CHAT: variants seen among roughly 807,000 people sequenced by gnomAD.
The protein encoded by CHAT is choline O-acetyltransferase.
CHAT carries 61 observed loss-of-function variants against 76.9 expected under a neutral mutation model. The observed-to-expected ratio is 0.79, with a 90% CI of 0.65 to 0.98. The LOEUF is 0.98. CHAT is among the 50% of genes least tolerant of loss of function. The pLI is 0.00. For synonymous variants in CHAT, 407 were observed against 397.4 expected, an observed-to-expected ratio of 1.02 and a Z score of -0.29; for missense variants, 946 against 986.9, an observed-to-expected ratio of 0.96 and a Z score of 0.56.
intron 7 of CHAT, among the ~76,000 whole-genome samples, chr10:49,638,681 T>C (rs1249944020): frequency 6.6e-6 from 1 of 152,222 alleles, no homozygotes; most frequent in Non-Finnish European, 1.5e-5. Flanking sequence ...TGTTACCAGT[T>C]CTAGTGAAGT....
At position 49,619,934 on chromosome 10, in the gene CHAT, G is replaced by C. The variant is rs545111763; in HGVS notation, c.579+18G>C. On this transcript the variant is annotated intron_variant, in intron 3 of 14. Coordinates refer to ENST00000337653, the MANE Select transcript of CHAT (RefSeq NM_020549.5). ...CCAACTGGGTAAGAGGGGCAGACAAGGAACCCATAGAAGAGGGGCGGGAGG... is the reference window on the plus strand; with the variant it reads ...CCAACTGGGTAAGAGGGGCAGACAACGAACCCATAGAAGAGGGGCGGGAGG... 1 of 1,605,516 alleles carries C rather than the reference G, an allele frequency of 6.2e-7. No individual in the cohort carries two copies. Among genetic ancestry groups the C allele is most frequent in the African/African-American group, 1.3e-5 (1 of 74,882 alleles).
intron 10 of CHAT, among the ~76,000 whole-genome samples, chr10:49,650,079 A>T (rs774084605): frequency 6.6e-6 from 1 of 152,096 alleles, no homozygotes; most frequent in African/African-American, 2.4e-5. Flanking sequence ...CCCTAACGGG[A>T]CCCAGGCAGG....
At chr10:49,637,381 C>G (rs1337139133) in intron 7 of CHAT, 6 of 152,138 alleles carry the variant, frequency 3.9e-5, no homozygotes, top group Admixed American at 2.0e-4. Flanking sequence ...TATGGTTTGT[C>G]TCTAAGTCTC....
chr10:49,655,588 C>A, intron 13 of CHAT, 140 bp downstream of exon 13: 1 of 748,454 alleles, frequency 1.3e-6, no homozygotes, highest in Non-Finnish European at 2.4e-6. Context: ...CTTCACCACT[C>A]GGTCTCTTGT....
At chr10:49,614,498 G>GCTGC in intron 1 of CHAT, 23 bp downstream of exon 1, 1 of 1,538,716 alleles carries the variant, frequency 6.5e-7, no homozygotes, top group Non-Finnish European at 8.7e-7. Flanking sequence ...GCTGGGCTGG[G>GCTGC]CTGGCGGAGC....
chr10:49,650,290 C>A (rs934578027), intron 10 of CHAT, among the ~76,000 whole-genome samples: 1 of 152,144 alleles, frequency 6.6e-6, no homozygotes, highest in Non-Finnish European at 1.5e-5. Context: ...AAGTTAAGTA[C>A]CATGGGACCT....
At chr10:49,609,521 G>C (rs1003598452), upstream of CHAT, among the ~76,000 whole-genome samples, 3 of 152,112 alleles carry the variant, frequency 2.0e-5, no homozygotes, top group African/African-American at 7.2e-5. Flanking sequence ...AGGAGAAAGG[G>C]GGATTCCAGG....
rs78296894 is a variant in CHAT, at chr10:49,656,441, T to C, written c.1839+993T>C. ...CCCTTCAACGTGAACACCAATCCCATGTGAAAAGAGCCCTCAGAAAGTAGC... is the reference window on the plus strand; with the variant it reads ...CCCTTCAACGTGAACACCAATCCCACGTGAAAAGAGCCCTCAGAAAGTAGC... On this transcript the variant is annotated intron_variant, in intron 13 of 14. Transcript: ENST00000337653. Among the ~76,000 whole-genome samples, 1,293 of 152,120 alleles carry C rather than the reference T, an allele frequency of 8.5e-3. 15 individuals are homozygous for C. The highest frequency in any genetic ancestry group is 0.029 in the African/African-American group (1,200 of 41,472).
chr10:49,639,336 T>C (rs940168399), intron 7 of CHAT, among the ~76,000 whole-genome samples: 1 of 152,178 alleles, frequency 6.6e-6, no homozygotes, highest in African/African-American at 2.4e-5. Context: ...TTTCCTCATA[T>C]GAAAATGTTT....
intron 1 of CHAT, among the ~76,000 whole-genome samples, 197 bp downstream of exon 1, chr10:49,614,672 G>C (rs1012670956): frequency 6.6e-6 from 1 of 152,216 alleles, no homozygotes; most frequent in Non-Finnish European, 1.5e-5. Flanking sequence ...CTGGGCTTGG[G>C]GAGGCTTAAC....
chr10:49,643,282 C>T (rs1839547042), intron 7 of CHAT, among the ~76,000 whole-genome samples: 2 of 152,226 alleles, frequency 1.3e-5, no homozygotes, highest in Non-Finnish European at 2.9e-5. Flanking sequence ...CATGCCCTCA[C>T]CCATAAGCTG....
At chr10:49,623,614 A>G (rs1313527829) in intron 5 of CHAT, among the ~76,000 whole-genome samples, 1 of 152,100 alleles carries the variant, frequency 6.6e-6, no homozygotes, top group African/African-American at 2.4e-5. Context: ...CGCTCATCCA[A>G]GCCTCAGCCA....
At chr10:49,637,432 G>A (rs1407515983) in intron 7 of CHAT, 1 of 152,144 alleles carries the variant, frequency 6.6e-6, no homozygotes, top group Non-Finnish European at 1.5e-5. Flanking sequence ...CACATGTCAA[G>A]GGAGGGACCC....
At chr10:49,630,677 T>C (rs1321932425) in intron 7 of CHAT, among the ~76,000 whole-genome samples, 1 of 151,912 alleles carries the variant, frequency 6.6e-6, no homozygotes. Context: ...TGGAAGGAAT[T>C]TAGTAAAAGA....
At chr10:49,631,384 A>C (rs191182827) in intron 7 of CHAT, among the ~76,000 whole-genome samples, 4 of 152,262 alleles carry the variant, frequency 2.6e-5, no homozygotes, top group Non-Finnish European at 5.9e-5. Flanking sequence ...TCTTCTTATA[A>C]GGTGACCAGT....
chr10:49,613,999 G>C (rs1221071744), upstream of CHAT: 1 of 1,058,576 alleles, frequency 9.4e-7, no homozygotes, highest in Non-Finnish European at 1.4e-6. Flanking sequence ...AGCACCCCAA[G>C]GCTGGAATAA....
chr10:49,629,584 A>C (rs1839043395), intron 7 of CHAT, among the ~76,000 whole-genome samples: 1 of 152,244 alleles, frequency 6.6e-6, no homozygotes, highest in African/African-American at 2.4e-5. Flanking sequence ...GGCCAGGCCC[A>C]AGACACGCCC....
At chr10:49,647,098 G>A (rs998436252) in intron 8 of CHAT, 1 of 220,336 alleles carries the variant, frequency 4.5e-6, no homozygotes, top group Non-Finnish European at 9.2e-6. Context: ...GATGCCCAGA[G>A]CTGTCAGCTT....
At chr10:49,611,037 G>T, upstream of CHAT, 1 of 1,613,960 alleles carries the variant, frequency 6.2e-7, no homozygotes, top group Non-Finnish European at 8.5e-7. Flanking sequence ...ACACCTCGGC[G>T]TCCCCGACAG....
Sources: allele counts gnomAD v4.1 joint callset (sites outside exome capture counted in the v4.1 genomes callset), GRCh38; gene constraint gnomAD v4.1.1; transcripts MANE v1.5; gene names NCBI Gene and HGNC (gene_info 2026-07-23, HGNC 2026-07-21).